Variants in RIMS1 observed in about 807,000 individuals in gnomAD.
RIMS1 encodes the protein regulating synaptic membrane exocytosis 1.
A neutral mutation model predicts 214.1 loss-of-function variants in RIMS1; 83 were observed. The ratio of observed to expected loss-of-function variants is 0.39; its 90% CI spans 0.32 to 0.47. The LOEUF (loss-of-function observed/expected upper bound fraction) is 0.47. Ranked by LOEUF, RIMS1 falls within the 20% of genes least tolerant of loss-of-function variation. RIMS1 has a pLI of 0.99. For missense variants in RIMS1, 2,050 were observed against 2,161.8 expected (o/e 0.95, Z 1.03); for synonymous variants, 793 against 786.8 (o/e 1.01, Z -0.13).
At chr6:72,098,776 C>A (rs1211201329) in intron 3 of RIMS1, among the ~76,000 whole-genome samples, 1 of 152,104 alleles carries the variant, frequency 6.6e-6, no homozygotes, top group Non-Finnish European at 1.5e-5. Flanking sequence ...TATATTTAAT[C>A]TTTCTTTAGG....
intron 2 of RIMS1, among the ~76,000 whole-genome samples, chr6:71,981,660 T>C (rs1798509973): frequency 6.6e-6 from 1 of 152,182 alleles, no homozygotes. Context: ...ATGAAGGCTC[T>C]TCTTTATTTT....
chr6:72,311,470 T>C (rs918405220), intron 27 of RIMS1, among the ~76,000 whole-genome samples: 1 of 152,222 alleles, frequency 6.6e-6, no homozygotes, highest in Non-Finnish European at 1.5e-5. Flanking sequence ...CAGTACATTG[T>C]CTTAAATCAC....
intron 16 of RIMS1, among the ~76,000 whole-genome samples, chr6:72,254,168 A>C (rs1017194623): frequency 6.6e-6 from 1 of 152,054 alleles, no homozygotes; most frequent in Admixed American, 6.6e-5. Flanking sequence ...CTGGCCAAAA[A>C]TGTAGTATTT....
At chr6:72,200,472 T>C (rs1005161818) in intron 6 of RIMS1, among the ~76,000 whole-genome samples, 1 of 152,158 alleles carries the variant, frequency 6.6e-6, no homozygotes, top group African/African-American at 2.4e-5. Context: ...ATGAAAGGCT[T>C]TCTGTAGTTT....
In RIMS1 at chr6:72,097,147, T is replaced by C. The variant is rs1283839150; in HGVS notation, c.444T>C (p.Ser148=). 2 of 1,613,856 alleles carry C rather than the reference T, an allele frequency of 1.2e-6. No homozygotes were observed. Among genetic ancestry groups the C allele is most frequent in the South Asian group, 1.1e-5 (1 of 91,082 alleles). ...KFCARCGGRV[S]LRSNNEDKVV... is the part of the protein sequence containing the mutation. ...GTGCGCGCTGCGGAGGCCGCGTGTC[T>C]CTACGGTCAAACAACGTGAGTATTC... The change falls in exon 3 of 34, where the codon TCT becomes TCC. Residue 148 remains serine, a synonymous_variant. Coordinates refer to ENST00000521978, the MANE Select transcript of RIMS1 (RefSeq NM_014989.7).
chr6:71,980,493 T>C (rs1404920543), intron 2 of RIMS1, among the ~76,000 whole-genome samples: 1 of 152,032 alleles, frequency 6.6e-6, no homozygotes, highest in Non-Finnish European at 1.5e-5. Flanking sequence ...ATTTGGCCAA[T>C]GAGTTGGAGG....
At chr6:72,330,630 T>C (rs1006212358) in intron 28 of RIMS1, among the ~76,000 whole-genome samples, 2 of 151,732 alleles carry the variant, frequency 1.3e-5, no homozygotes, top group African/African-American at 4.8e-5. Flanking sequence ...AGAGACTGAG[T>C]AGCTTTATAA....
chr6:72,390,787 TA>T, intron 30 of RIMS1, 51 bp downstream of exon 30: 4 of 1,588,286 alleles, frequency 2.5e-6, no homozygotes, highest in Non-Finnish European at 3.4e-6. Context: ...AATTGTGTAC[TA>T]ATCAGTAAGA....
intron 6 of RIMS1, among the ~76,000 whole-genome samples, chr6:72,232,422 A>G (rs981425901): frequency 6.6e-6 from 1 of 151,682 alleles, no homozygotes; most frequent in African/African-American, 2.4e-5. Flanking sequence ...AAAGAGAAGA[A>G]AAGTTCTTTT....
intron 1 of RIMS1, among the ~76,000 whole-genome samples, chr6:71,954,327 C>T (rs1278031757): frequency 6.6e-6 from 1 of 152,180 alleles, no homozygotes; most frequent in Non-Finnish European, 1.5e-5. Context: ...ATTTACCTCT[C>T]AAATCATCTA....
intron 6 of RIMS1, among the ~76,000 whole-genome samples, chr6:72,233,064 G>A (rs186147726): frequency 5.9e-4 from 89 of 151,526 alleles, no homozygotes; most frequent in Admixed American, 1.8e-3. Flanking sequence ...ATTTTTCTCC[G>A]GCCTTTCATC....
chr6:72,089,039 CT>C (rs1267873828), intron 2 of RIMS1, among the ~76,000 whole-genome samples: 4 of 151,968 alleles, frequency 2.6e-5, no homozygotes, highest in Non-Finnish European at 5.9e-5. Flanking sequence ...TTGTTCACCC[CT>C]GGTACAGTGG....
At chr6:71,979,858 A>G (rs1399095032) in intron 2 of RIMS1, among the ~76,000 whole-genome samples, 3 of 152,056 alleles carry the variant, frequency 2.0e-5, no homozygotes, top group Non-Finnish European at 4.4e-5. Flanking sequence ...AGAATCACTG[A>G]TATGTACCAC....
At chr6:71,934,345 G>T (rs1192091751) in intron 1 of RIMS1, among the ~76,000 whole-genome samples, 1 of 152,150 alleles carries the variant, frequency 6.6e-6, no homozygotes, top group Non-Finnish European at 1.5e-5. Context: ...CTGAATATAG[G>T]TTGCGATGAA....
intron 1 of RIMS1, among the ~76,000 whole-genome samples, chr6:71,902,357 T>C (rs1314389727): frequency 6.6e-6 from 1 of 151,978 alleles, no homozygotes; most frequent in Non-Finnish European, 1.5e-5. Context: ...GATGAAGCCA[T>C]GCTGGGTCAT....
At chr6:72,153,335 A>G (rs529208428) in intron 4 of RIMS1, among the ~76,000 whole-genome samples, 1 of 151,752 alleles carries the variant, frequency 6.6e-6, no homozygotes, top group Non-Finnish European at 1.5e-5. Flanking sequence ...GCAACCAGTA[A>G]GGAGATTTTT....
chr6:72,197,928 G>A (rs990987157), intron 6 of RIMS1, among the ~76,000 whole-genome samples: 8 of 152,028 alleles, frequency 5.3e-5, no homozygotes, highest in African/African-American at 1.9e-4. Context: ...GCTTTTGGAG[G>A]TTAAAAAATA....
chr6:72,315,209 T>C (rs2095708805), intron 28 of RIMS1, among the ~76,000 whole-genome samples: 1 of 152,276 alleles, frequency 6.6e-6, no homozygotes, highest in South Asian at 2.1e-4. Context: ...TATAACCATA[T>C]CATGACAAGA....
chr6:72,290,978 T>C, intron 25 of RIMS1, 117 bp downstream of exon 25: 1 of 866,024 alleles, frequency 1.2e-6, no homozygotes, highest in Non-Finnish European at 1.8e-6. Context: ...CTTTTAATCC[T>C]TTCTTTGTGA....
Sources: gnomAD v4.1 joint callset for allele counts (sites outside exome capture counted in the v4.1 genomes callset) on GRCh38, gnomAD v4.1.1 for gene constraint, MANE v1.5 for transcripts, NCBI Gene and HGNC (gene_info 2026-07-23, HGNC 2026-07-21) for gene names.